RFC3: variants seen among roughly 807,000 people sequenced by gnomAD.
RFC3 encodes the protein A1 38 kDa subunit.
Under a neutral mutation model 45.1 loss-of-function variants are expected in RFC3, and 41 were observed. That is an observed-to-expected ratio of 0.91 (90% CI 0.71 to 1.18). The LOEUF is 1.18. Ranked by LOEUF, RFC3 falls within the 50% of genes most tolerant of loss-of-function variation. The probability of loss-of-function intolerance (pLI) is 0.00; values close to 1 mark genes in which losing one functional copy is unlikely to be tolerated. For synonymous variants in RFC3, 149 were observed against 144.0 expected (o/e 1.03, Z -0.25); for missense variants, 423 against 428.1 (o/e 0.99, Z 0.10).
Position 33,822,443 on chromosome 13 carries a change from T to C in RFC3, c.225+1174T>C, listed in dbSNP as rs531811473. Among the ~76,000 whole-genome samples, 6 of 152,322 alleles carry C rather than the reference T, an allele frequency of 3.9e-5. No homozygotes were observed. In the East Asian group the frequency reaches 1.2e-3, roughly 29 times the overall value. On this transcript the variant is annotated intron_variant, in intron 2 of 8. Transcript: ENST00000380071. Reference sequence around the variant, plus strand: ...GGAACGGTACATTTCTGAGACTAGCTAAAGTAATTATGAAAAAAGATTAGT... The same window carrying C: ...GGAACGGTACATTTCTGAGACTAGCCAAAGTAATTATGAAAAAAGATTAGT...
At chr13:33,971,598 G>A in the RFC3 span, among the ~76,000 whole-genome samples, 118 of 152,312 alleles carry the variant, frequency 7.7e-4, no homozygotes, top group African/African-American at 2.7e-3. Flanking sequence ...AAATGAAGAA[G>A]CATGTTTGTC....
At chr13:33,904,942 G>A (rs996808853) in intron 8 of RFC3, among the ~76,000 whole-genome samples, 11 of 152,134 alleles carry the variant, frequency 7.2e-5, no homozygotes, top group East Asian at 1.9e-4. Flanking sequence ...TACGCATTTA[G>A]CAAAACTGTA....
Position 33,882,951 on chromosome 13 carries a change from T to A in RFC3, c.879+47734T>A, listed in dbSNP as rs573583317. 8.5e-5 allele frequency among the ~76,000 whole-genome samples: 13 copies of A among 152,332 alleles called. 1 individual carries two copies. In the South Asian group the frequency reaches 2.7e-3, roughly 32 times the overall value. ...GATGTTTGTGTCCATTTTTATTCCT[T>A]TCTGTTGCTGAGTAGTACCCCATTG... On this transcript the variant is annotated intron_variant, in intron 8 of 8. Transcript: ENST00000434425.
At chr13:33,889,213 C>G (rs2082548018) in intron 8 of RFC3, among the ~76,000 whole-genome samples, 1 of 152,150 alleles carries the variant, frequency 6.6e-6, no homozygotes, top group African/African-American at 2.4e-5. Flanking sequence ...GTTCACTACA[C>G]TATTCTTGGT....
At chr13:33,830,048 A>C (rs912644161) in intron 5 of RFC3, 31 bp downstream of exon 5, 1 of 1,586,058 alleles carries the variant, frequency 6.3e-7, no homozygotes, top group Non-Finnish European at 8.6e-7. Flanking sequence ...CTGAAAAATA[A>C]ATCAGTTCAG....
intron 8 of RFC3, among the ~76,000 whole-genome samples, chr13:33,860,975 C>T (rs2082337509): frequency 6.6e-6 from 1 of 151,944 alleles, no homozygotes; most frequent in Non-Finnish European, 1.5e-5. Context: ...GATCCTAGCT[C>T]ATTGTAGGCT....
At chr13:33,909,536 C>G (rs1161205032) in intron 8 of RFC3, among the ~76,000 whole-genome samples, 1 of 151,790 alleles carries the variant, frequency 6.6e-6, no homozygotes, top group African/African-American at 2.4e-5. Context: ...TTCCTGTTAC[C>G]CCTCTCTCTC....
intron 8 of RFC3, among the ~76,000 whole-genome samples, chr13:33,869,194 G>A (rs1206917247): frequency 2.0e-5 from 3 of 152,156 alleles, no homozygotes; most frequent in African/African-American, 7.2e-5. Flanking sequence ...GGATTCTCTG[G>A]CCTTTTTGCT....
chr13:33,862,124 A>G (rs1296202497), intron 8 of RFC3, among the ~76,000 whole-genome samples: 1 of 152,236 alleles, frequency 6.6e-6, no homozygotes, highest in Non-Finnish European at 1.5e-5. Flanking sequence ...CTTTCAATTA[A>G]TCAAAAATGT....
intron 4 of RFC3, among the ~76,000 whole-genome samples, chr13:33,828,330 C>G (rs2082070024): frequency 6.6e-6 from 1 of 152,106 alleles, no homozygotes; most frequent in South Asian, 2.1e-4. Flanking sequence ...CTCCTGTCCT[C>G]AAGCCATCTT....
intron 8 of RFC3, among the ~76,000 whole-genome samples, chr13:33,921,132 T>G (rs2082766113): frequency 6.6e-6 from 1 of 152,192 alleles, no homozygotes; most frequent in East Asian, 1.9e-4. Context: ...TCAGTGATTA[T>G]TTAATGAGCT....
chr13:33,972,045 A>G, the RFC3 span, among the ~76,000 whole-genome samples: 7 of 152,226 alleles, frequency 4.6e-5, no homozygotes, highest in Non-Finnish European at 8.8e-5. Flanking sequence ...AACCTGGGCA[A>G]TGGAGGTTGG....
intron 8 of RFC3, among the ~76,000 whole-genome samples, chr13:33,900,812 G>T (rs1321257213): frequency 7.2e-6 from 1 of 139,484 alleles, no homozygotes; most frequent in Non-Finnish European, 1.5e-5. Context: ...GAATATAGAA[G>T]AAGCTAAAAC....
At chr13:33,969,956 C>A (rs1228997754), downstream of RFC3, among the ~76,000 whole-genome samples, 1 of 146,784 alleles carries the variant, frequency 6.8e-6, no homozygotes, top group Non-Finnish European at 1.5e-5. Context: ...TTCCGGGGTA[C>A]ATGTACGGGA....
intron 8 of RFC3, among the ~76,000 whole-genome samples, chr13:33,884,758 T>G (rs919889972): frequency 3.3e-5 from 5 of 152,240 alleles, no homozygotes; most frequent in Non-Finnish European, 7.3e-5. Context: ...TATCTGAGCT[T>G]CTTATGGGTT....
At chr13:33,853,583 C>G (rs866666501) in intron 8 of RFC3, among the ~76,000 whole-genome samples, 1 of 152,052 alleles carries the variant, frequency 6.6e-6, no homozygotes, top group Non-Finnish European at 1.5e-5. Flanking sequence ...AGGCAGGATA[C>G]GCTGGAGGAA....
intron 8 of RFC3, among the ~76,000 whole-genome samples, chr13:33,884,287 C>T (rs1347846493): frequency 6.6e-6 from 1 of 152,154 alleles, no homozygotes; most frequent in East Asian, 1.9e-4. Context: ...CCAAAGTGTG[C>T]TTGCTTTGGA....
chr13:33,837,700 G>A (rs148408646), downstream of RFC3, among the ~76,000 whole-genome samples: 206 of 152,044 alleles, frequency 1.4e-3, 1 homozygote, highest in African/African-American at 3.9e-3. Context: ...GACTTTCTAT[G>A]TTGTTGTCCA....
chr13:33,880,806 G>A (rs116984390), intron 8 of RFC3, among the ~76,000 whole-genome samples: 7,105 of 152,186 alleles, frequency 0.047, 235 homozygotes, highest in Non-Finnish European at 0.069. Context: ...GGTGGCGCAC[G>A]CCTGTACTTG....
Sources: allele counts gnomAD v4.1 joint callset (sites outside exome capture counted in the v4.1 genomes callset), GRCh38; gene constraint gnomAD v4.1.1; transcripts MANE v1.5; gene names NCBI Gene and HGNC (gene_info 2026-07-23, HGNC 2026-07-21).